HSD17B12: variants seen among roughly 807,000 people sequenced by gnomAD.
The protein encoded by HSD17B12 is very-long-chain 3-oxoacyl-CoA reductase.
In HSD17B12, 32 loss-of-function variants were observed where a neutral mutation model predicts 39.3. The ratio of observed to expected loss-of-function variants is 0.81; its 90% CI spans 0.61 to 1.09. The LOEUF (loss-of-function observed/expected upper bound fraction) is 1.09. Ranked by LOEUF, HSD17B12 falls within the 50% of genes least tolerant of loss-of-function variation. The pLI is 0.00. For missense variants in HSD17B12, 342 were observed against 382.9 expected (o/e 0.89, Z 0.89); for synonymous variants, 150 against 146.7 (o/e 1.02, Z -0.16).
At chr11:43,618,214 TCTAAGA>T in the HSD17B12 span, among the ~76,000 whole-genome samples, 1 of 152,220 alleles carries the variant, frequency 6.6e-6, no homozygotes, top group Non-Finnish European at 1.5e-5. Flanking sequence ...GGAATTTTCC[TCTAAGA>T]CTAATAACAA....
At chr11:43,764,175 T>A (rs1402691518) in intron 3 of HSD17B12, among the ~76,000 whole-genome samples, 2 of 152,168 alleles carry the variant, frequency 1.3e-5, no homozygotes, top group Non-Finnish European at 2.9e-5. Context: ...GATTCTTATA[T>A]AACTCTGAAT....
chr11:43,594,837 A>AT, the HSD17B12 span, among the ~76,000 whole-genome samples: 7 of 151,836 alleles, frequency 4.6e-5, no homozygotes, highest in African/African-American at 1.2e-4. Context: ...CCAAAAAAAG[A>AT]TTTTTTTTGT....
intron 1 of HSD17B12, among the ~76,000 whole-genome samples, chr11:43,714,067 G>T (rs1331456047): frequency 6.6e-6 from 1 of 152,162 alleles, no homozygotes; most frequent in African/African-American, 2.4e-5. Context: ...CTCCCATTCT[G>T]TAGGTTGCCT....
At chr11:43,808,011 C>T (rs955064672) in intron 4 of HSD17B12, among the ~76,000 whole-genome samples, 8 of 152,178 alleles carry the variant, frequency 5.3e-5, no homozygotes, top group East Asian at 1.9e-4. Context: ...CAGAATTAGA[C>T]GACTAGCAGT....
intron 3 of HSD17B12, among the ~76,000 whole-genome samples, chr11:43,782,707 C>T (rs1478010334): frequency 6.6e-5 from 10 of 151,608 alleles, no homozygotes; most frequent in Admixed American, 4.6e-4. Context: ...AGCATGAGCC[C>T]ATTGTAATTA....
At chr11:43,779,703 T>A (rs1420156652) in intron 3 of HSD17B12, among the ~76,000 whole-genome samples, 1 of 152,222 alleles carries the variant, frequency 6.6e-6, no homozygotes, top group Non-Finnish European at 1.5e-5. Flanking sequence ...GAGTTTAACT[T>A]TCAGTCTTTG....
the HSD17B12 span, among the ~76,000 whole-genome samples, chr11:43,641,307 T>C: frequency 6.6e-6 from 1 of 151,960 alleles, no homozygotes; most frequent in Non-Finnish European, 1.5e-5. Context: ...ATCCATCTTT[T>C]AAAAATATTT....
At chr11:43,743,491 G>C (rs1196255718) in intron 1 of HSD17B12, among the ~76,000 whole-genome samples, 2 of 152,142 alleles carry the variant, frequency 1.3e-5, no homozygotes, top group Non-Finnish European at 2.9e-5. Context: ...CACAGGAATT[G>C]GAAGTATCAG....
chr11:43,596,439 T>C, the HSD17B12 span, among the ~76,000 whole-genome samples: 1 of 152,178 alleles, frequency 6.6e-6, no homozygotes, highest in Non-Finnish European at 1.5e-5. Context: ...TTTGTTATTC[T>C]CTTTTGCTTT....
chr11:43,828,233 C>T (rs1951268307), intron 6 of HSD17B12, among the ~76,000 whole-genome samples: 2 of 149,676 alleles, frequency 1.3e-5, no homozygotes, highest in Non-Finnish European at 3.0e-5. Context: ...AGCTCTGCCT[C>T]CCGGGTTCAC....
At position 43,750,875 on chromosome 11, in the gene HSD17B12, T is replaced by G. The variant is rs754825052; in HGVS notation, c.161-36T>G. ...ACTATGACCAATTCCTCAATGTAATTCTTAGACTAAACTATTGCTTTTTTC... is the reference window on the plus strand; with the variant it reads ...ACTATGACCAATTCCTCAATGTAATGCTTAGACTAAACTATTGCTTTTTTC... On this transcript the variant is annotated intron_variant, in intron 1 of 10. Transcript: ENST00000278353. The G allele has an allele frequency of 8.5e-6, 13 of 1,523,134 alleles. 1 individual carries two copies. In the South Asian group the frequency reaches 1.1e-4, roughly 12 times the overall value. The allele number at this position is 1,523,134 out of a possible 1,614,324, so 94.4% of individuals were successfully genotyped here.
the HSD17B12 span, among the ~76,000 whole-genome samples, chr11:43,634,685 T>G: frequency 6.6e-6 from 1 of 152,186 alleles, no homozygotes; most frequent in Non-Finnish European, 1.5e-5. Context: ...TCCAGTTCTC[T>G]CCAGTGTTCG....
intron 1 of HSD17B12, among the ~76,000 whole-genome samples, chr11:43,698,091 G>T (rs1949928513): frequency 6.6e-6 from 1 of 152,152 alleles, no homozygotes; most frequent in South Asian, 2.1e-4. Flanking sequence ...ACAGGGACTG[G>T]GAGAGGGAGT....
the HSD17B12 span, among the ~76,000 whole-genome samples, chr11:43,612,457 T>C: frequency 2.0e-5 from 3 of 152,224 alleles, no homozygotes; most frequent in African/African-American, 7.2e-5. Context: ...CAATAGCAAC[T>C]CAAGCAAGAT....
At chr11:43,677,573 T>C (rs975579882), upstream of HSD17B12, among the ~76,000 whole-genome samples, 5 of 152,206 alleles carry the variant, frequency 3.3e-5, no homozygotes, top group African/African-American at 4.8e-5. Context: ...GTTTATCTCC[T>C]AATGCTATTC....
chr11:43,605,460 C>G, the HSD17B12 span, among the ~76,000 whole-genome samples: 1 of 151,226 alleles, frequency 6.6e-6, no homozygotes, highest in African/African-American at 2.4e-5. Flanking sequence ...ACTTGGGAGG[C>G]TGAGGCAGGA....
At chr11:43,690,375 TA>T (rs1949843858) in intron 1 of HSD17B12, among the ~76,000 whole-genome samples, 13 of 13,786 alleles carry the variant, frequency 9.4e-4, no homozygotes, top group Middle Eastern at 0.021. Context: ...TATATATATA[TA>T]TATATATATA....
chr11:43,767,981 G>A (rs1200679140), intron 3 of HSD17B12, among the ~76,000 whole-genome samples: 1 of 152,142 alleles, frequency 6.6e-6, no homozygotes, highest in Non-Finnish European at 1.5e-5. Context: ...GATTTAAAAG[G>A]CATCTCTGTT....
the HSD17B12 span, among the ~76,000 whole-genome samples, chr11:43,612,887 G>A: frequency 6.6e-6 from 1 of 152,066 alleles, no homozygotes; most frequent in Non-Finnish European, 1.5e-5. Context: ...AAATGGAGTT[G>A]GCCATGTCTA....
Sources: allele counts gnomAD v4.1 joint callset (sites outside exome capture counted in the v4.1 genomes callset), GRCh38; gene constraint gnomAD v4.1.1; transcripts MANE v1.5; gene names NCBI Gene and HGNC (gene_info 2026-07-23, HGNC 2026-07-21).